CACNG6: variants seen among roughly 807,000 people sequenced by gnomAD.
The protein encoded by CACNG6 is calcium voltage-gated channel auxiliary subunit gamma 6.
Under a neutral mutation model 23.9 loss-of-function variants are expected in CACNG6, and 21 were observed. That is an observed-to-expected ratio of 0.88 (90% CI 0.62 to 1.26). The LOEUF (loss-of-function observed/expected upper bound fraction) is 1.26, where lower values mean the gene tolerates loss of function less well. Ranked by LOEUF, CACNG6 falls within the 50% of genes most tolerant of loss-of-function variation. The pLI is 0.00. For missense variants in CACNG6, 340 were observed against 352.9 expected (o/e 0.96, Z 0.29); for synonymous variants, 182 against 168.9 (o/e 1.08, Z -0.60).
chr19:54,009,413 G>A (rs1390099034), intron 3 of CACNG6, among the ~76,000 whole-genome samples: 10 of 138,484 alleles, frequency 7.2e-5, no homozygotes, highest in African/African-American at 2.7e-4. Flanking sequence ...TCATGTCACT[G>A]CACTCTAGCC....
intron 1 of CACNG6, among the ~76,000 whole-genome samples, chr19:53,997,700 C>T (rs1165101942): frequency 1.3e-5 from 2 of 152,232 alleles, no homozygotes; most frequent in East Asian, 1.9e-4. Context: ...TTATGAGTTA[C>T]CCAGGCTTCC....
chr19:53,998,156 C>T (rs574768704), intron 1 of CACNG6, 83 bp from the exon 2 acceptor site: 122 of 1,208,770 alleles, frequency 1.0e-4, no homozygotes, highest in Non-Finnish European at 1.4e-4. Flanking sequence ...TTTAGGCTCC[C>T]GTGGGCTGTT....
Position 53,993,206 on chromosome 19 carries a change from G to C in CACNG6, c.329G>C (p.Gly110Ala). The C allele has an allele frequency of 6.5e-7, 1 of 1,537,064 alleles. No individual in the cohort carries two copies. The highest frequency in any genetic ancestry group is 8.7e-7 in the Non-Finnish European group (1 of 1,144,508). The change falls in exon 1 of 4, where the codon GGA becomes GCA. Residue 110 changes from glycine (G) to alanine (A), a missense_variant and splice_region_variant. Gly to Ala is a moderately conservative substitution (Grantham distance 60). Coordinates refer to ENST00000252729, the MANE Select transcript of CACNG6 (RefSeq NM_145814.2). ...RDTCGPAELP[G>A]EANCTYFKFF... The stretch of plus-strand genomic sequence containing the variant: ...ACCTGCGGCCCCGCGGAGCTGCCCG[G>C]AGGTGAGCAGCCGCCGCCCCGAGCG...
At position 53,999,699 on chromosome 19, in the gene CACNG6, T is replaced by C. The variant is rs776728706; in HGVS notation, c.472T>C (p.Cys158Arg). The C allele has an allele frequency of 6.2e-6, 10 of 1,614,034 alleles. No homozygotes were observed. In the South Asian group the frequency reaches 8.8e-5, roughly 14 times the overall value. Residue 158 changes from cysteine to arginine, a missense_variant, in exon 3 of 4, where the codon TGT becomes CGT. By Grantham distance (180) the Cys-to-Arg change is radical. Transcript: ENST00000252729. ...GGCAGTCATGGCCTTGGGGTGCCTC[T>C]GTATCATCATGGTGCTCAGTAAAGG... ...GLAVMALGCL[C>R]IIMVLSKGAE...
rs767806691 is a variant in CACNG6, at chr19:53,992,912, A to ACCGGCGGCGGGGGGCCGCGGG, written c.47_67dup (p.Gly16_Arg22dup). 7.1e-7 allele frequency: 1 copy of ACCGGCGGCGGGGGGCCGCGGG among 1,405,204 alleles called. No individual in the cohort carries two copies. The highest frequency in any genetic ancestry group is 1.5e-5 in the African/African-American group (1 of 66,708). 87.0% of individuals were successfully genotyped at this position (1,405,204 alleles called of 1,614,324 possible). A position where few individuals can be genotyped will look rare whatever the true frequency, so the allele number is the denominator to read the frequency against. On this transcript the variant is annotated inframe_insertion, in exon 1 of 4. Coordinates refer to ENST00000252729, the MANE Select transcript of CACNG6 (RefSeq NM_145814.2). This position sits in a 1 kb window ranked among gnomAD's most constrained non-coding sequence, Gnocchi z 4.1. ...TCCAACTTCTTCCTGCAAGAGGAGA[A>ACCGGCGGCGGGGGGCCGCGGG]CCGGCGGCGGGGGGCCGCGGGCCGG...
intron 3 of CACNG6, among the ~76,000 whole-genome samples, chr19:54,009,787 A>ATT (rs1480389266): frequency 2.0e-5 from 3 of 148,110 alleles, no homozygotes; most frequent in African/African-American, 7.6e-5. Flanking sequence ...TTTTTTTAAA[A>ATT]AAAAAAAATC....
chr19:54,011,205 A>AAAATATATATATATATATAT (rs58054808), intron 3 of CACNG6, among the ~76,000 whole-genome samples: 1 of 102,506 alleles, frequency 9.8e-6, no homozygotes, highest in East Asian at 2.8e-4. Flanking sequence ...AAAAAAAAAA[A>AAAATATATATATATATATAT]ATATATATAT....
intron 1 of CACNG6, 42 bp downstream of exon 1, chr19:53,993,250 G>T (rs1218803634): frequency 6.6e-7 from 1 of 1,507,426 alleles, no homozygotes; most frequent in African/African-American, 1.4e-5. Context: ...GCGTCCCACG[G>T]ACAGGGAGGG....
chr19:53,998,270 C>T lies in CACNG6; in HGVS notation c.363C>T (p.Thr121=). The change falls in exon 2 of 4, where the codon ACC becomes ACT. Residue 121 remains threonine, a synonymous_variant. Coordinates refer to ENST00000252729, the MANE Select transcript of CACNG6 (RefSeq NM_145814.2). ...ACTGCACCTATTTTAAATTCTTCAC[C>T]ACGGGGGAGAATGCACGCATCTTTC... The part of the protein sequence containing the change: ...EANCTYFKFF[T]TGENARIFQR... 2 of 1,614,052 alleles carry T rather than the reference C, an allele frequency of 1.2e-6. No individual in the cohort carries two copies. Among genetic ancestry groups the T allele is most frequent in the East Asian group, 2.2e-5 (1 of 44,864 alleles).
chr19:54,011,451 A>C (rs2556365), intron 3 of CACNG6, among the ~76,000 whole-genome samples: 78,189 of 139,408 alleles, frequency 0.56, 22,909 homozygotes, highest in African/African-American at 0.67. Flanking sequence ...AAAAAAAAAA[A>C]AACAAAACAA....
chr19:54,006,517 C>CTTT (rs1236056716), intron 3 of CACNG6, among the ~76,000 whole-genome samples: 52 of 107,324 alleles, frequency 4.8e-4, no homozygotes, highest in East Asian at 9.3e-4. Context: ...TTCCTTCTTT[C>CTTT]TTTTCTTTTT....
chr19:54,011,970 C>T lies in CACNG6; in HGVS notation c.564C>T (p.Ser188=). Residue 188 remains serine, a synonymous_variant, in exon 4 of 4, where the codon AGC becomes AGT. Transcript: ENST00000252729. ...FGLSGLLLLV[S]LEVFRHSVRA... ...CCGCAGGCCTGCTGCTCTTGGTGAGCCTGGAGGTGTTCCGGCATTCCGTGA... is the reference window on the plus strand; with the variant it reads ...CCGCAGGCCTGCTGCTCTTGGTGAGTCTGGAGGTGTTCCGGCATTCCGTGA... 1 of 1,576,388 alleles carries T rather than the reference C, an allele frequency of 6.3e-7. No individual in the cohort carries two copies. The highest frequency in any genetic ancestry group is 8.6e-7 in the Non-Finnish European group (1 of 1,163,562).
intron 2 of CACNG6, among the ~76,000 whole-genome samples, chr19:53,998,873 C>T (rs1320171847): frequency 2.0e-5 from 3 of 152,108 alleles, no homozygotes; most frequent in Non-Finnish European, 4.4e-5. Context: ...GGGCAAGTCG[C>T]AGCCCCTCTC....
At chr19:54,011,205 A>AAAAAAAAAAATATATATAT (rs58054808) in intron 3 of CACNG6, among the ~76,000 whole-genome samples, 1 of 102,546 alleles carries the variant, frequency 9.8e-6, no homozygotes, top group African/African-American at 5.0e-5. Context: ...AAAAAAAAAA[A>AAAAAAAAAAATATATATAT]ATATATATAT....
Position 53,998,318 on chromosome 19 carries a change from G to T in CACNG6, c.406+5G>T, listed in dbSNP as rs755842837. On this transcript the variant is annotated splice_donor_5th_base_variant and intron_variant, in intron 2 of 3. Coordinates refer to ENST00000252729, the MANE Select transcript of CACNG6 (RefSeq NM_145814.2). ...TTCAGAGAACCACAAAGAAAGGTGA[G>T]AACTTTTCACCCCCTGCTGGGTGAC... 1.2e-6 allele frequency: 2 copies of T among 1,613,210 alleles called. No individual in the cohort carries two copies.
intron 3 of CACNG6, among the ~76,000 whole-genome samples, chr19:54,006,591 G>C (rs573971074): frequency 4.9e-4 from 66 of 133,860 alleles, no homozygotes; most frequent in Non-Finnish European, 9.0e-4. Context: ...GTGCAGTGGT[G>C]TGATCTCTCT....
chr19:53,996,940 C>A (rs940932326), intron 1 of CACNG6, among the ~76,000 whole-genome samples: 9 of 137,734 alleles, frequency 6.5e-5, no homozygotes, highest in Non-Finnish European at 1.4e-4. Flanking sequence ...ACAATCTTGG[C>A]TCACTGCAAC....
chr19:53,991,576 G>A (rs1159740494), upstream of CACNG6, among the ~76,000 whole-genome samples: 1 of 107,646 alleles, frequency 9.3e-6, no homozygotes, highest in Non-Finnish European at 2.5e-5. Context: ...TAGCCCCGAG[G>A]GTGGAGGGTG....
At chr19:54,004,932 G>C (rs147311671) in intron 3 of CACNG6, among the ~76,000 whole-genome samples, 2,270 of 150,124 alleles carry the variant, frequency 0.015, 39 homozygotes, top group East Asian at 0.054. Context: ...AATAAAAGAG[G>C]GGGGCGCGGT....
Sources: gnomAD v4.1 joint callset for allele counts (sites outside exome capture counted in the v4.1 genomes callset) on GRCh38, gnomAD v4.1.1 for gene constraint, Gnocchi (gnomAD v3.1) non-coding constraint, MANE v1.5 for transcripts, NCBI Gene and HGNC (gene_info 2026-07-23, HGNC 2026-07-21) for gene names.